ARK2N: variants seen among roughly 807,000 people sequenced by gnomAD.
ARK2N encodes arkadia (RNF111) N-terminal like PKA signaling regulator 2N.
chr18:46,247,085 A>G, the ARK2N span, among the ~76,000 whole-genome samples: 76 of 152,220 alleles, frequency 5.0e-4, no homozygotes, highest in Non-Finnish European at 1.8e-4. Flanking sequence ...TGTTTGGATT[A>G]TCTAACAATG....
At chr18:46,213,439 C>T in the ARK2N span, among the ~76,000 whole-genome samples, 1 of 152,004 alleles carries the variant, frequency 6.6e-6, no homozygotes, top group Admixed American at 6.5e-5. Flanking sequence ...GGGTTTATTC[C>T]TCATACCTGG....
the ARK2N span, among the ~76,000 whole-genome samples, chr18:46,207,874 G>T: frequency 1.5e-4 from 23 of 152,150 alleles, no homozygotes; most frequent in South Asian, 2.1e-4. Context: ...CTTTGGCTCT[G>T]TTGGGATGTC....
At chr18:46,230,362 T>G in the ARK2N span, among the ~76,000 whole-genome samples, 4 of 152,242 alleles carry the variant, frequency 2.6e-5, no homozygotes, top group Non-Finnish European at 5.9e-5. Context: ...ACTTTTGGAT[T>G]ACATGACGGC....
the ARK2N span, among the ~76,000 whole-genome samples, chr18:46,194,993 G>C: frequency 6.6e-6 from 1 of 151,204 alleles, no homozygotes; most frequent in Admixed American, 6.6e-5. Context: ...GTAGTGACGG[G>C]GTTTCGCCAT....
the ARK2N span, among the ~76,000 whole-genome samples, chr18:46,184,892 T>C: frequency 1.3e-5 from 2 of 152,370 alleles, no homozygotes; most frequent in African/African-American, 4.8e-5. Context: ...CTTAGTTTCA[T>C]AGTGCCTGAT....
chr18:46,265,725 A>G, the ARK2N span: 15 of 152,654 alleles, frequency 9.8e-5, no homozygotes, highest in Admixed American at 9.8e-4. Flanking sequence ...GTTTCAGGCA[A>G]GGTATTAATG....
the ARK2N span, chr18:46,266,507 T>C: frequency 6.6e-6 from 1 of 152,662 alleles, no homozygotes; most frequent in African/African-American, 2.4e-5. Context: ...TTACTTCTTA[T>C]TCTCTTAACA....
At chr18:46,187,606 T>TG in the ARK2N span, among the ~76,000 whole-genome samples, 3 of 152,120 alleles carry the variant, frequency 2.0e-5, no homozygotes, top group South Asian at 6.2e-4. Context: ...CCTCCCAAAG[T>TG]GCTGGGATTA....
At chr18:46,247,978 T>C in the ARK2N span, among the ~76,000 whole-genome samples, 296 of 152,340 alleles carry the variant, frequency 1.9e-3, 1 homozygote, top group African/African-American at 6.4e-3. Flanking sequence ...CAATCCAGCT[T>C]CTTGCTTCTT....
chr18:46,243,689 A>AAC, the ARK2N span, among the ~76,000 whole-genome samples: 2 of 152,170 alleles, frequency 1.3e-5, no homozygotes, highest in African/African-American at 4.8e-5. Context: ...GCTGGAATTG[A>AAC]ACACTGTAGT....
chr18:46,214,947 A>G, the ARK2N span, among the ~76,000 whole-genome samples: 13 of 152,322 alleles, frequency 8.5e-5, no homozygotes, highest in African/African-American at 3.1e-4. Flanking sequence ...ACTGCAGACA[A>G]GTTGGATGCA....
At chr18:46,216,704 G>T in the ARK2N span, 2 of 996,240 alleles carry the variant, frequency 2.0e-6, no homozygotes, top group South Asian at 3.5e-5. This position sits in a 1 kb window ranked among gnomAD's most constrained non-coding sequence, Gnocchi z 4.3. Flanking sequence ...CTGCAGCTCT[G>T]TGTAAATTTG....
the ARK2N span, among the ~76,000 whole-genome samples, chr18:46,187,004 G>A: frequency 1.9e-4 from 29 of 151,448 alleles, no homozygotes; most frequent in Admixed American, 3.3e-4. Context: ...ACAGACATGC[G>A]TCATCATGAC....
chr18:46,206,103 C>CT, the ARK2N span, among the ~76,000 whole-genome samples: 11 of 147,766 alleles, frequency 7.4e-5, no homozygotes, highest in South Asian at 2.2e-4. Context: ...TTTTTTTTTT[C>CT]TTTTTTTTTC....
the ARK2N span, among the ~76,000 whole-genome samples, chr18:46,202,430 C>G: frequency 6.6e-6 from 1 of 152,004 alleles, no homozygotes; most frequent in African/African-American, 2.4e-5. Context: ...AGGCACTTTA[C>G]TTAAGGATGA....
At chr18:46,261,471 GC>G in the ARK2N span, among the ~76,000 whole-genome samples, 1 of 152,132 alleles carries the variant, frequency 6.6e-6, no homozygotes, top group Non-Finnish European at 1.5e-5. Context: ...TGTTCCGTTG[GC>G]CTTCAGTCAT....
the ARK2N span, among the ~76,000 whole-genome samples, chr18:46,186,118 T>G: frequency 6.6e-6 from 1 of 151,626 alleles, no homozygotes; most frequent in Non-Finnish European, 1.5e-5. Flanking sequence ...GAGCTAGGAG[T>G]GTTTTTATTT....
At chr18:46,198,085 T>C in the ARK2N span, among the ~76,000 whole-genome samples, 2 of 151,994 alleles carry the variant, frequency 1.3e-5, no homozygotes, top group Non-Finnish European at 2.9e-5. Context: ...CTGGATCACT[T>C]GAGGTCGGGA....
At chr18:46,247,914 C>G in the ARK2N span, among the ~76,000 whole-genome samples, 2 of 152,232 alleles carry the variant, frequency 1.3e-5, no homozygotes, top group Non-Finnish European at 1.5e-5. Context: ...CTCAAGTGAT[C>G]TGCCTGCCTC....
Sources: allele counts gnomAD v4.1 joint callset (sites outside exome capture counted in the v4.1 genomes callset), GRCh38; gene constraint gnomAD v4.1.1; non-coding constraint Gnocchi (gnomAD v3.1); transcripts MANE v1.5; gene names NCBI Gene and HGNC (gene_info 2026-07-23, HGNC 2026-07-21).